The following LYPLAL1 variants were observed in gnomAD, a reference collection of about 807,000 sequenced individuals.
The protein encoded by LYPLAL1 is lysophospholipase-like protein 1.
LYPLAL1 carries 23 observed loss-of-function variants against 19.7 expected under a neutral mutation model. The observed-to-expected ratio is 1.17, with a 90% confidence interval of 0.84 to 1.65. LYPLAL1 has a LOEUF of 1.65. Among genes scored for constraint, LYPLAL1 ranks in the 40% most tolerant of loss-of-function variants. The pLI is 0.00. For synonymous variants in LYPLAL1, 119 were observed against 96.3 expected, an observed-to-expected ratio of 1.24 and a Z score of -1.38; for missense variants, 355 against 279.4, an observed-to-expected ratio of 1.27 and a Z score of -1.93.
the LYPLAL1 span, among the ~76,000 whole-genome samples, chr1:219,257,011 A>T: frequency 6.1e-4 from 93 of 152,158 alleles, no homozygotes; most frequent in African/African-American, 2.2e-3. Context: ...TTCCATGTGC[A>T]CTTAAAACAA....
the LYPLAL1 span, among the ~76,000 whole-genome samples, chr1:219,251,835 A>G: frequency 6.6e-6 from 1 of 152,028 alleles, no homozygotes; most frequent in Non-Finnish European, 1.5e-5. Flanking sequence ...ATAGTTTGAT[A>G]GGAATAGCAT....
chr1:219,320,009 A>G, the LYPLAL1 span, among the ~76,000 whole-genome samples: 2 of 152,220 alleles, frequency 1.3e-5, no homozygotes, highest in Admixed American at 6.5e-5. Context: ...ACGCTTACAT[A>G]AAATATTGGT....
chr1:219,313,192 G>T, the LYPLAL1 span, among the ~76,000 whole-genome samples: 1 of 152,218 alleles, frequency 6.6e-6, no homozygotes, highest in Non-Finnish European at 1.5e-5. Context: ...ATAAGTGAAA[G>T]AATGTGGGCT....
chr1:219,183,442 C>T (rs1433767873), intron 2 of LYPLAL1, among the ~76,000 whole-genome samples: 4 of 151,966 alleles, frequency 2.6e-5, no homozygotes, highest in Admixed American at 2.0e-4. Flanking sequence ...TTAAAATTTA[C>T]AGTGAAATAC....
chr1:219,306,849 T>TAGACAGACAGAC, the LYPLAL1 span, among the ~76,000 whole-genome samples: 5,511 of 135,234 alleles, frequency 0.041, 168 homozygotes, highest in Middle Eastern at 0.063. Context: ...GATAGATAGA[T>TAGACAGACAGAC]AGACAGACAG....
the LYPLAL1 span, among the ~76,000 whole-genome samples, chr1:219,313,971 C>G: frequency 6.6e-6 from 1 of 152,216 alleles, no homozygotes; most frequent in Non-Finnish European, 1.5e-5. Context: ...TATCTTCACA[C>G]TCTTTTCACC....
intron 3 of LYPLAL1, among the ~76,000 whole-genome samples, chr1:219,201,011 A>G (rs1658052733): frequency 1.3e-5 from 2 of 152,192 alleles, no homozygotes; most frequent in Admixed American, 1.3e-4. Context: ...TAAGATTCTT[A>G]ATACGTATTA....
chr1:219,382,180 A>T, the LYPLAL1 span, among the ~76,000 whole-genome samples: 1 of 152,210 alleles, frequency 6.6e-6, no homozygotes, highest in Admixed American at 6.5e-5. Context: ...CCCTCTCTGG[A>T]TGAAGAATCT....
At chr1:219,361,352 T>A in the LYPLAL1 span, among the ~76,000 whole-genome samples, 1 of 152,194 alleles carries the variant, frequency 6.6e-6, no homozygotes, top group Non-Finnish European at 1.5e-5. Flanking sequence ...CTGTCAGATG[T>A]GTTTCCTTTC....
chr1:219,216,002 A>G (rs1284705046), downstream of LYPLAL1, among the ~76,000 whole-genome samples: 1 of 152,040 alleles, frequency 6.6e-6, no homozygotes, highest in African/African-American at 2.4e-5. Context: ...TCATTCCATG[A>G]TATAGCTTTA....
intron 3 of LYPLAL1, chr1:219,193,526 TATTC>T: frequency 4.9e-6 from 1 of 206,094 alleles, no homozygotes; most frequent in South Asian, 1.3e-4. Flanking sequence ...GTTAAGAAAT[TATTC>T]ATTTCAATTT....
At chr1:219,184,300 A>C (rs1656542432) in intron 2 of LYPLAL1, among the ~76,000 whole-genome samples, 1 of 151,926 alleles carries the variant, frequency 6.6e-6, no homozygotes, top group South Asian at 2.1e-4. Context: ...TGTAAATGGA[A>C]TGTTAAAAAA....
chr1:219,326,133 C>T, the LYPLAL1 span, among the ~76,000 whole-genome samples: 7,215 of 152,028 alleles, frequency 0.047, 348 homozygotes, highest in East Asian at 0.22. Context: ...AGGCTGGTCT[C>T]AAACTCCTGA....
intron 2 of LYPLAL1, chr1:219,179,447 C>G (rs1294876032): frequency 1.9e-6 from 1 of 513,654 alleles, no homozygotes; most frequent in African/African-American, 2.0e-5. Context: ...TATTCCCTTT[C>G]TGTAAAGCAT....
the LYPLAL1 span, among the ~76,000 whole-genome samples, chr1:219,355,304 C>T: frequency 6.6e-6 from 1 of 151,784 alleles, no homozygotes; most frequent in African/African-American, 2.4e-5. Flanking sequence ...AAACAACATA[C>T]AAAGATATAT....
chr1:219,308,880 G>T, the LYPLAL1 span, among the ~76,000 whole-genome samples: 1,855 of 152,284 alleles, frequency 0.012, 32 homozygotes, highest in African/African-American at 0.042. Flanking sequence ...CTGCCTAGTA[G>T]AGCTGTGAGA....
At chr1:219,401,781 T>A in the LYPLAL1 span, among the ~76,000 whole-genome samples, 1 of 152,220 alleles carries the variant, frequency 6.6e-6, no homozygotes, top group Non-Finnish European at 1.5e-5. Context: ...ATAATTTTGC[T>A]AGTCCTATTG....
intron 1 of LYPLAL1, chr1:219,175,193 T>C (rs1655712901): frequency 1.4e-6 from 1 of 716,702 alleles, no homozygotes; most frequent in East Asian, 1.3e-4. Flanking sequence ...GATTTGGGAT[T>C]AGAACCCAAA....
the LYPLAL1 span, among the ~76,000 whole-genome samples, chr1:219,318,808 G>A: frequency 2.1e-4 from 32 of 152,282 alleles, no homozygotes; most frequent in South Asian, 6.4e-3. Flanking sequence ...GGAAGGAGAG[G>A]ACCCCTAATG....
Sources: gnomAD v4.1 joint callset for allele counts (sites outside exome capture counted in the v4.1 genomes callset) on GRCh38, gnomAD v4.1.1 for gene constraint, MANE v1.5 for transcripts, NCBI Gene and HGNC (gene_info 2026-07-23, HGNC 2026-07-21) for gene names.